The following INTS8 variants were observed in gnomAD, a reference collection of about 807,000 sequenced individuals.
The protein encoded by INTS8 is integrator complex subunit 8.
In INTS8, 47 loss-of-function variants were observed where a neutral mutation model predicts 138.9. The ratio of observed to expected loss-of-function variants is 0.34; its 90% confidence interval spans 0.27 to 0.43. The LOEUF (loss-of-function observed/expected upper bound fraction) is 0.43, where lower values mean the gene tolerates loss of function less well. Among genes scored for constraint, INTS8 ranks in the 20% least tolerant of loss-of-function variants. The pLI is 1.00. For synonymous variants in INTS8, 392 were observed against 400.9 expected (o/e 0.98, Z 0.27); for missense variants, 996 against 1,173.0 (o/e 0.85, Z 2.20).
chr8:94,841,125 C>T (rs1022371629), intron 8 of INTS8, among the ~76,000 whole-genome samples: 3 of 151,940 alleles, frequency 2.0e-5, no homozygotes, highest in African/African-American at 7.3e-5. Flanking sequence ...GTTGGCCAGG[C>T]TGGTTTTAAA....
chr8:94,856,379 C>T (rs1285393926), intron 14 of INTS8, among the ~76,000 whole-genome samples: 2 of 152,088 alleles, frequency 1.3e-5, no homozygotes, highest in African/African-American at 4.8e-5. Flanking sequence ...CCAATTTTAT[C>T]GTCTAGTACG....
chr8:94,839,628 A>C (rs964123631), intron 8 of INTS8, among the ~76,000 whole-genome samples: 11 of 152,224 alleles, frequency 7.2e-5, no homozygotes, highest in African/African-American at 2.4e-4. Context: ...AACTTTCTTG[A>C]AGTTTAATTA....
At chr8:94,842,596 C>T (rs1815175770) in intron 10 of INTS8, 108 bp downstream of exon 10, 1 of 839,528 alleles carries the variant, frequency 1.2e-6, no homozygotes, top group African/African-American at 1.7e-5. Flanking sequence ...CCTTGCGTTT[C>T]TGTGCCTGAC....
intron 26 of INTS8, among the ~76,000 whole-genome samples, chr8:94,879,610 A>G (rs1385922272): frequency 1.7e-5 from 2 of 121,192 alleles, no homozygotes; most frequent in Admixed American, 9.1e-5. Flanking sequence ...AAAACAAAAA[A>G]CAAACAAAAA....
intron 16 of INTS8, among the ~76,000 whole-genome samples, chr8:94,860,520 C>T (rs375914012): frequency 1.6e-4 from 21 of 129,372 alleles, no homozygotes; most frequent in African/African-American, 4.7e-4. Flanking sequence ...GCAGAGTTTG[C>T]GTGAGCTGAG....
At chr8:94,829,735 T>C (rs1224067639) in intron 5 of INTS8, among the ~76,000 whole-genome samples, 2 of 152,204 alleles carry the variant, frequency 1.3e-5, no homozygotes, top group Admixed American at 6.5e-5. Flanking sequence ...AGTCTTTCAG[T>C]TTTAATAGTA....
chr8:94,863,122 C>G (rs1367191808), intron 16 of INTS8, among the ~76,000 whole-genome samples: 1 of 152,172 alleles, frequency 6.6e-6, no homozygotes, highest in Admixed American at 6.5e-5. Flanking sequence ...GGAAAGGGCA[C>G]AGGTTATAGG....
chr8:94,876,700 C>G, intron 26 of INTS8: 1 of 452,100 alleles, frequency 2.2e-6, no homozygotes, highest in East Asian at 3.6e-5. Flanking sequence ...TGTCATTTCT[C>G]AGTCCCAAAC....
chr8:94,833,678 G>T (rs751996732), intron 6 of INTS8, among the ~76,000 whole-genome samples: 2 of 152,152 alleles, frequency 1.3e-5, no homozygotes, highest in African/African-American at 2.4e-5. Context: ...TATGTGCTAG[G>T]CAAACTATCA....
chr8:94,870,516 T>C (rs1312711142), intron 20 of INTS8, among the ~76,000 whole-genome samples: 1 of 152,214 alleles, frequency 6.6e-6, no homozygotes, highest in East Asian at 1.9e-4. Context: ...GACTCTTTAT[T>C]GATTCCAAGA....
At chr8:94,880,007 T>C in intron 26 of INTS8, 111 bp from the exon 27 acceptor site, 3 of 713,614 alleles carry the variant, frequency 4.2e-6, no homozygotes, top group East Asian at 2.7e-5. Context: ...AGAGGTTCAG[T>C]TAATCATTAA....
At chr8:94,842,248 TAAGAA>T in intron 9 of INTS8, 94 bp from the exon 10 acceptor site, 3 of 709,356 alleles carry the variant, frequency 4.2e-6, no homozygotes, top group Non-Finnish European at 6.6e-6. Flanking sequence ...TCTTACCTCT[TAAGAA>T]TAAATGGCTC....
chr8:94,873,374 C>T lies in INTS8; in HGVS notation c.2534C>T (p.Ala845Val). The T allele has an allele frequency of 3.7e-6, 6 of 1,608,990 alleles. No homozygotes were observed. Among genetic ancestry groups the T allele is most frequent in the Non-Finnish European group, 4.3e-6 (5 of 1,175,316 alleles). The part of the protein sequence containing the change: ...WLIIQADIYF[A>V]TNQYSAALHY... ...CTTTATGTCTGTTTTTCTGTTTCAG[C>T]AACGAATCAGTATTCAGCAGCTCTT... Residue 845 changes from alanine to valine, a missense_variant and splice_region_variant, in exon 22 of 27, where the codon GCA (alanine) becomes GTA (valine). Transcript: ENST00000523731.
In INTS8 at chr8:94,861,285, G is replaced by T. The variant is rs1261164742; in HGVS notation, c.2076+1653G>T. Reference sequence around the variant, plus strand: ...TTTTTTTTTTTTTTTTTTTTGAGACGGAGTCTCGCTCTGTCGCCCAGGCTG... The same window carrying T: ...TTTTTTTTTTTTTTTTTTTTGAGACTGAGTCTCGCTCTGTCGCCCAGGCTG... On this transcript the variant is annotated intron_variant, in intron 16 of 26. Coordinates refer to ENST00000523731, the MANE Select transcript of INTS8 (RefSeq NM_017864.4). Among the ~76,000 whole-genome samples, 3 of 7,434 alleles carry T rather than the reference G, an allele frequency of 4.0e-4. 1 individual carries two copies. Among genetic ancestry groups the T allele is most frequent in the Non-Finnish European group, 7.8e-4 (3 of 3,852 alleles). The allele number at this position is 7,434 out of a possible 152,430, so 4.9% of individuals were successfully genotyped here.
At position 94,842,189 on chromosome 8, in the gene INTS8, C is replaced by T. The variant is rs566955952; in HGVS notation, c.1119-158C>T. Among the ~76,000 whole-genome samples, 3 of 151,736 alleles carry T rather than the reference C, an allele frequency of 2.0e-5. No individual in the cohort carries two copies. The South Asian group carries it at 6.2e-4, about 32-fold the overall frequency. ...ATTCAAAACCTATTCTGCTTTCTTT[C>T]TCCCCATGATTTGGTATATATTTAT... is the stretch of plus-strand genomic sequence containing the variant. On this transcript the variant is annotated intron_variant, in intron 9 of 26. Transcript: ENST00000523731.
At chr8:94,879,202 A>G (rs1207431272) in intron 26 of INTS8, among the ~76,000 whole-genome samples, 1 of 152,206 alleles carries the variant, frequency 6.6e-6, no homozygotes, top group Non-Finnish European at 1.5e-5. Context: ...AAATGGCATC[A>G]TCCAGCAATT....
chr8:94,827,471 A>G, intron 3 of INTS8, 68 bp downstream of exon 3: 1 of 1,538,128 alleles, frequency 6.5e-7, no homozygotes. Flanking sequence ...GCTTTCAAGG[A>G]TATTCTTTTA....
intron 21 of INTS8, 148 bp downstream of exon 21, chr8:94,872,150 CT>C (rs1039199113): frequency 2.6e-4 from 143 of 549,580 alleles, no homozygotes; most frequent in South Asian, 3.7e-4. Flanking sequence ...AGTATTTGTA[CT>C]TTTTTTTAGT....
At chr8:94,835,502 A>C (rs1814888833) in intron 6 of INTS8, among the ~76,000 whole-genome samples, 1 of 152,236 alleles carries the variant, frequency 6.6e-6, no homozygotes, top group African/African-American at 2.4e-5. Flanking sequence ...GTTACGGTAG[A>C]CGTGCACCAT....
Sources: gnomAD v4.1 joint callset for allele counts (sites outside exome capture counted in the v4.1 genomes callset) on GRCh38, gnomAD v4.1.1 for gene constraint, MANE v1.5 for transcripts, NCBI Gene and HGNC (gene_info 2026-07-23, HGNC 2026-07-21) for gene names.